ZAN: variants seen among roughly 807,000 people sequenced by gnomAD.
ZAN encodes zonadhesin (gene/pseudogene).
A neutral mutation model predicts 286.2 loss-of-function variants in ZAN; 260 were observed. The ratio of observed to expected loss-of-function variants is 0.91; its 90% CI spans 0.82 to 1.01. The LOEUF is 1.01. ZAN is among the 50% of genes least tolerant of loss of function. ZAN has a pLI of 0.00. For synonymous variants in ZAN, 1,368 were observed against 1,417.5 expected, an observed-to-expected ratio of 0.97 and a Z score of 0.79; for missense variants, 3,410 against 3,639.2, an observed-to-expected ratio of 0.94 and a Z score of 1.62.
chr7:100,781,934 C>T (rs930663707), intron 35 of ZAN, among the ~76,000 whole-genome samples: 6 of 152,170 alleles, frequency 3.9e-5, no homozygotes, highest in African/African-American at 1.4e-4. Context: ...AGCCACTGCA[C>T]CTGGTCATGA....
chr7:100,797,599 AGACT>A lies in ZAN; in HGVS notation c.8391_8394del (p.Leu2798ProfsTer29). 1 of 1,613,952 alleles carries A rather than the reference AGACT, an allele frequency of 6.2e-7. No individual in the cohort carries two copies. The highest frequency in any genetic ancestry group is 8.5e-7 in the Non-Finnish European group (1 of 1,179,892). ...TAGAGAGAAAACGCAGGAGGGAGAC[AGACT>A]GGCCAGGCTGGTGGACACAGGTGAG... On this transcript the variant is annotated frameshift_variant, in exon 47 of 48. Coordinates refer to ENST00000613979, the MANE Select transcript of ZAN (RefSeq NM_003386.3). LOFTEE classifies it low-confidence loss of function (END_TRUNC).
intron 34 of ZAN, among the ~76,000 whole-genome samples, chr7:100,778,749 A>C (rs767871682): frequency 1.3e-5 from 2 of 151,842 alleles, no homozygotes; most frequent in Non-Finnish European, 2.9e-5. Context: ...TCATTGTCAT[A>C]GGGCCAGGCG....
Position 100,779,767 on chromosome 7 carries a change from G to A in ZAN, c.6622+17G>A. 1 of 1,542,978 alleles carries A rather than the reference G, an allele frequency of 6.5e-7. No individual in the cohort carries two copies. The highest frequency in any genetic ancestry group is 8.7e-7 in the Non-Finnish European group (1 of 1,144,002). The stretch of plus-strand genomic sequence containing the variant: ...GCTTCTGCCGTGAGTGTGCCCTGCT[G>A]TCACCCCAAACCCCTCCCAAACCCC... On this transcript the variant is annotated intron_variant, in intron 35 of 47. Coordinates refer to ENST00000613979, the MANE Select transcript of ZAN (RefSeq NM_003386.3).
chr7:100,777,409 C>T (rs1403001590), intron 34 of ZAN, among the ~76,000 whole-genome samples: 2 of 151,994 alleles, frequency 1.3e-5, no homozygotes, highest in East Asian at 1.9e-4. Context: ...GGCTGGAGTG[C>T]AGTGGCGCAA....
chr7:100,773,620 C>A, intron 30 of ZAN, 101 bp from the exon 31 acceptor site: 1 of 1,538,080 alleles, frequency 6.5e-7, no homozygotes, highest in East Asian at 2.4e-5. Flanking sequence ...GGCTGGGGGG[C>A]GAGGAGGAAG....
In ZAN at chr7:100,737,075, A is replaced by C; in HGVS notation, c.520A>C (p.Thr174Pro). 1.3e-6 allele frequency: 2 copies of C among 1,492,678 alleles called. No individual in the cohort carries two copies. The highest frequency in any genetic ancestry group is 1.8e-6 in the Non-Finnish European group (2 of 1,092,606). 92.5% of individuals were successfully genotyped at this position (1,492,678 alleles called of 1,614,324 possible). Residue 174 changes from threonine to proline, a missense_variant, in exon 5 of 48, where the codon ACC becomes CCC. Transcript: ENST00000613979. The part of the protein sequence containing the change: ...VTVPAGFTLP[T>P]RLMFEGTRGS... ...TGTGCCCGCAGGGTTCACCCTGCCCACCCGGGTAAGGCCGGGGACAAATTG... is the reference window on the plus strand; with the variant it reads ...TGTGCCCGCAGGGTTCACCCTGCCCCCCCGGGTAAGGCCGGGGACAAATTG...
Position 100,762,230 on chromosome 7 carries a change from ACT to A in ZAN, c.3861_3862del (p.Cys1288TrpfsTer7). On this transcript the variant is annotated frameshift_variant, in exon 20 of 48. Transcript: ENST00000613979. LOFTEE classifies it high-confidence loss of function. ...GTTCCCCTAGCACATACTCTGGCAA[ACT>A]CTGTGGTTTGTGTGGGAACTATGAC... ...VTVSSTYSGK[L>X]CGLCGNYDGN... 1 of 1,613,084 alleles carries A rather than the reference ACT, an allele frequency of 6.2e-7. No homozygotes were observed. Among genetic ancestry groups the A allele is most frequent in the African/African-American group, 1.3e-5 (1 of 74,880 alleles).
At chr7:100,769,475 C>G (rs185535510) in intron 27 of ZAN, among the ~76,000 whole-genome samples, 1 of 150,982 alleles carries the variant, frequency 6.6e-6, no homozygotes, top group South Asian at 2.1e-4. Flanking sequence ...CTTTTCTTTT[C>G]TTTCCTTTCC....
chr7:100,749,441 C>T (rs183849170), intron 11 of ZAN, among the ~76,000 whole-genome samples: 70 of 150,454 alleles, frequency 4.7e-4, no homozygotes, highest in East Asian at 8.1e-4. Flanking sequence ...GAGATCGAGA[C>T]CATCCTGGCT....
At chr7:100,737,147 G>T in intron 5 of ZAN, 67 bp downstream of exon 5, 1 of 1,449,320 alleles carries the variant, frequency 6.9e-7, no homozygotes, top group Non-Finnish European at 9.4e-7. Flanking sequence ...TGAGGGTGGG[G>T]GTGTGGCAAA....
rs549397129 is a variant in ZAN, at chr7:100,762,504, C to T, written c.3986+146C>T. ...GCAGTGGTGCGATCTCAGCTCACTG[C>T]AACCTCCGCCTCCCAGGCTCAAGCA... On this transcript the variant is annotated intron_variant, in intron 20 of 47. Transcript: ENST00000613979. 2.0e-5 allele frequency: 22 copies of T among 1,101,706 alleles called. No individual in the cohort carries two copies. In the African/African-American group the frequency reaches 3.0e-4, roughly 15 times the overall value. The allele number at this position is 1,101,706 out of a possible 1,614,324, so 68.2% of individuals were successfully genotyped here. A position where few individuals can be genotyped will look rare whatever the true frequency, so the allele number is the denominator to read the frequency against.
rs1270753090 is a variant in ZAN at position 100,795,798 on chromosome 7, C to T, written c.8266+462C>T. On this transcript the variant is annotated intron_variant, in intron 45 of 47. Transcript: ENST00000613979. ...GTGTGCGCCTGTAGTCCCAGCTACT[C>T]GGGAGGCTGAGGCAGGAGAATCACT... 9.9e-5 allele frequency among the ~76,000 whole-genome samples: 15 copies of T among 151,570 alleles called. No homozygotes were observed. The East Asian group carries it at 1.7e-3, about 18-fold the overall frequency.
chr7:100,760,366 C>G, intron 18 of ZAN, 25 bp from the exon 19 acceptor site: 1 of 1,612,192 alleles, frequency 6.2e-7, no homozygotes, highest in Non-Finnish European at 8.5e-7. Context: ...CTCTGTCTGT[C>G]TCTTGCCTCT....
At chr7:100,758,394 C>T (rs1584579378) in intron 16 of ZAN, 51 bp downstream of exon 16, 34 of 1,597,498 alleles carry the variant, frequency 2.1e-5, no homozygotes, top group Non-Finnish European at 2.7e-5. Context: ...TTGGAGTAGA[C>T]GTGACGCCAG....
At chr7:100,765,201 G>A in intron 22 of ZAN, 151 bp from the exon 23 acceptor site, 1 of 903,894 alleles carries the variant, frequency 1.1e-6, no homozygotes, top group Non-Finnish European at 1.7e-6. Context: ...AGCCAGCCAG[G>A]CTCCTTGGGG....
rs1270048770 is a variant in ZAN at position 100,738,530 on chromosome 7, C to T, written c.683C>T (p.Ala228Val). ...DLCDWTWIPT[A>V]SGAKWTQKKG... ...TGTGACTGGACCTGGATCCCAACTG[C>T]CTCCGGGGCCAAGTGGACTCAGAAG... The change falls in exon 7 of 48, where the codon GCC (alanine) becomes GTC (valine). Residue 228 changes from alanine to valine, a missense_variant. This residue lies in a region of ZAN where 872 missense variants were observed against 938.9 expected (regional missense o/e 0.93). Coordinates refer to ENST00000613979, the MANE Select transcript of ZAN (RefSeq NM_003386.3). 18 of 1,504,834 alleles carry T rather than the reference C, an allele frequency of 1.2e-5. 6 individuals carry two copies. The highest frequency in any genetic ancestry group is 1.5e-5 in the Non-Finnish European group (16 of 1,097,978). 93.2% of individuals were successfully genotyped at this position (1,504,834 alleles called of 1,614,324 possible).
intron 27 of ZAN, 91 bp from the exon 28 acceptor site, chr7:100,769,789 C>T: frequency 8.6e-7 from 1 of 1,156,138 alleles, no homozygotes; most frequent in Non-Finnish European, 1.2e-6. Flanking sequence ...TCAAGCGATC[C>T]TCCTGCCTTG....
At position 100,748,158 on chromosome 7, in the gene ZAN, G is replaced by A; in HGVS notation, c.1045G>A (p.Gly349Arg). 1.9e-6 allele frequency: 3 copies of A among 1,613,796 alleles called. No homozygotes were observed. Among genetic ancestry groups the A allele is most frequent in the South Asian group, 2.2e-5 (2 of 91,080 alleles). Reference sequence around the variant, plus strand: ...CCAGTTTGCCGTGGTAGGCGTTTTTGGAAAGACCCCAGAGCCAGCTGTGGC... The same window carrying A: ...CCAGTTTGCCGTGGTAGGCGTTTTTAGAAAGACCCCAGAGCCAGCTGTGGC... ...RIQFAVVGVF[G>R]KTPEPAVAVD... The change falls in exon 10 of 48, where the codon GGA becomes AGA. Residue 349 changes from glycine (G) to arginine (R), a missense_variant. Physicochemically the swap from Gly to Arg is moderately radical, Grantham distance 125. Transcript: ENST00000613979.
chr7:100,735,482 G>A (rs1807229207), intron 2 of ZAN, among the ~76,000 whole-genome samples: 1 of 135,398 alleles, frequency 7.4e-6, no homozygotes, highest in Admixed American at 7.3e-5. Flanking sequence ...TGGGAGGATT[G>A]CTGGAGCCCA....
Sources: allele counts gnomAD v4.1 joint callset (sites outside exome capture counted in the v4.1 genomes callset), GRCh38; gene constraint gnomAD v4.1.1; regional missense constraint gnomAD v4.1.1; transcripts MANE v1.5; gene names NCBI Gene and HGNC (gene_info 2026-07-23, HGNC 2026-07-21).